ING3: variants seen among roughly 807,000 people sequenced by gnomAD.
ING3 encodes the protein inhibitor of growth family member 3.
ING3 carries 6 observed loss-of-function variants against 64.8 expected under a neutral mutation model. The ratio of observed to expected loss-of-function variants is 0.09; its 90% CI spans 0.05 to 0.18. The LOEUF is 0.18. Among genes scored for constraint, ING3 ranks in the 10% least tolerant of loss-of-function variants. The probability of loss-of-function intolerance (pLI) is 1.00; values close to 1 mark genes in which losing one functional copy is unlikely to be tolerated. For missense variants in ING3, 310 were observed against 489.7 expected, an observed-to-expected ratio of 0.63 and a Z score of 3.46; for synonymous variants, 170 against 173.7, an observed-to-expected ratio of 0.98 and a Z score of 0.17.
chr7:120,961,392 T>C (rs1795931410), intron 4 of ING3, among the ~76,000 whole-genome samples: 1 of 152,200 alleles, frequency 6.6e-6, no homozygotes, highest in Non-Finnish European at 1.5e-5. Context: ...TATTTCAACT[T>C]AGAATGTAAC....
At chr7:120,965,319 C>T (rs1795983811) in intron 5 of ING3, among the ~76,000 whole-genome samples, 1 of 152,130 alleles carries the variant, frequency 6.6e-6, no homozygotes, top group Non-Finnish European at 1.5e-5. Flanking sequence ...GTGTTTTCTT[C>T]TTTCCCTTAG....
At chr7:120,954,494 TATG>T (rs1169362977) in intron 3 of ING3, among the ~76,000 whole-genome samples, 1 of 152,130 alleles carries the variant, frequency 6.6e-6, no homozygotes, top group Non-Finnish European at 1.5e-5. Flanking sequence ...GTAGTTCTGT[TATG>T]ATATGTTATT....
intron 11 of ING3, 77 bp downstream of exon 11, chr7:120,973,320 G>T (rs1584996171): frequency 6.2e-6 from 6 of 966,480 alleles, no homozygotes; most frequent in South Asian, 2.7e-5. Flanking sequence ...CTTATTTGCT[G>T]TATGGTTTGG....
chr7:120,969,813 A>C (rs1796043451), intron 9 of ING3, among the ~76,000 whole-genome samples: 1 of 152,212 alleles, frequency 6.6e-6, no homozygotes, highest in South Asian at 2.1e-4. Flanking sequence ...CAAAATAATT[A>C]GTTACCTAGT....
At chr7:120,964,884 G>A (rs1333044879) in intron 5 of ING3, 46 bp downstream of exon 5, 11 of 1,451,502 alleles carry the variant, frequency 7.6e-6, no homozygotes, top group Middle Eastern at 1.7e-4. Context: ...CAGTACATGT[G>A]CAAATCGCTG....
At chr7:120,970,591 A>G in intron 9 of ING3, 97 bp from the exon 10 acceptor site, 2 of 1,215,262 alleles carry the variant, frequency 1.6e-6, no homozygotes, top group South Asian at 1.5e-5. Flanking sequence ...TTTAATTTAT[A>G]CATTTGATGT....
At chr7:120,956,654 A>C in intron 4 of ING3, 4 of 987,318 alleles carry the variant, frequency 4.1e-6, no homozygotes, top group Non-Finnish European at 4.8e-6. Flanking sequence ...GATAGGTAGA[A>C]TAGGCTGTAG....
chr7:120,951,137 C>T (rs201878594), intron 1 of ING3, 27 bp from the exon 2 acceptor site: 1,136 of 1,612,544 alleles, frequency 7.0e-4, no homozygotes, highest in Admixed American at 1.4e-3. Flanking sequence ...TTGGCCCCGC[C>T]CCTCTGACGG....
intron 10 of ING3, 131 bp downstream of exon 10, chr7:120,971,011 C>A: frequency 1.0e-6 from 1 of 982,988 alleles, no homozygotes; most frequent in Non-Finnish European, 1.5e-6. Flanking sequence ...TCTCCCCCTT[C>A]TTACAAAAGT....
chr7:120,968,818 C>T (rs1167037734), intron 8 of ING3, among the ~76,000 whole-genome samples, 193 bp from the exon 9 acceptor site: 3 of 143,694 alleles, frequency 2.1e-5, no homozygotes, highest in Admixed American at 7.0e-5. Flanking sequence ...TAGACTCCAG[C>T]CCAAGCGACA....
Position 120,950,822 on chromosome 7 carries a change from G to A in ING3, c.-75G>A, listed in dbSNP as rs965664762. On this transcript the variant is annotated 5_prime_UTR_variant, in exon 1 of 12. Transcript: ENST00000315870. ...CTAGCGGAGGCGCCATATTGGAGGG[G>A]ACAAAACTCCGGCGACAGCGAGTGA... 5.9e-6 allele frequency: 9 copies of A among 1,537,470 alleles called. No individual in the cohort carries two copies. The highest frequency in any genetic ancestry group is 8.1e-6 in the Non-Finnish European group (9 of 1,115,982).
intron 3 of ING3, among the ~76,000 whole-genome samples, chr7:120,954,060 G>A (rs764765470): frequency 5.9e-5 from 9 of 152,146 alleles, no homozygotes; most frequent in Non-Finnish European, 1.3e-4. Context: ...CTATTTAGCT[G>A]TGTGACATTA....
chr7:120,967,762 A>G, intron 7 of ING3, 114 bp downstream of exon 7: 3 of 1,298,434 alleles, frequency 2.3e-6, no homozygotes, highest in South Asian at 1.5e-5. Context: ...TAAAGTATAC[A>G]TATGGAGAAA....
At chr7:120,951,047 C>T (rs556701840) in intron 1 of ING3, 117 bp from the exon 2 acceptor site, 6 of 1,510,660 alleles carry the variant, frequency 4.0e-6, no homozygotes, top group Admixed American at 3.4e-5. Context: ...CTCACGGTAA[C>T]TGGCAGCCTC....
At chr7:120,956,180 A>T in intron 4 of ING3, 6 of 1,609,890 alleles carry the variant, frequency 3.7e-6, no homozygotes, top group Non-Finnish European at 5.1e-6. Flanking sequence ...AAAAGATTGA[A>T]AACACCAAGA....
rs910313532 is a variant in ING3, at chr7:120,950,816, G to A, written c.-81G>A. ...GTGCTGCTAGCGGAGGCGCCATATT[G>A]GAGGGGACAAAACTCCGGCGACAGC... is the stretch of plus-strand genomic sequence containing the variant. On this transcript the variant is annotated 5_prime_UTR_variant, in exon 1 of 12. Coordinates refer to ENST00000315870, the MANE Select transcript of ING3 (RefSeq NM_019071.3). The A allele has an allele frequency of 7.8e-7, 1 of 1,281,086 alleles. No homozygotes were observed. The highest frequency in any genetic ancestry group is 1.1e-6 in the Non-Finnish European group (1 of 923,776). 79.4% of individuals were successfully genotyped at this position (1,281,086 alleles called of 1,614,324 possible). A position where few individuals can be genotyped will look rare whatever the true frequency, so the allele number is the denominator to read the frequency against.
intron 1 of ING3, 53 bp from the exon 2 acceptor site, chr7:120,951,111 A>G: frequency 3.1e-6 from 5 of 1,587,768 alleles, no homozygotes; most frequent in Non-Finnish European, 3.5e-6. Context: ...CAGTGACGTA[A>G]GCGCGTATTT....
rs1796144609 is a variant in ING3, at chr7:120,977,191, A to G, written c.*2347A>G. 6.6e-6 allele frequency: 1 copy of G among 152,228 alleles called. No individual in the cohort carries two copies. Among genetic ancestry groups the G allele is most frequent in the Non-Finnish European group, 1.5e-5 (1 of 68,034 alleles). 9.4% of individuals were successfully genotyped at this position (152,228 alleles called of 1,614,324 possible). On this transcript the variant is annotated 3_prime_UTR_variant, in exon 12 of 12. Transcript: ENST00000315870. ...TGTTCATGGTGACACATTTGAAGCAATAAATGGCTTAATTAAATGCCAAAA... is the reference window on the plus strand; with the variant it reads ...TGTTCATGGTGACACATTTGAAGCAGTAAATGGCTTAATTAAATGCCAAAA...
intron 4 of ING3, chr7:120,956,305 A>G: frequency 2.1e-6 from 3 of 1,425,408 alleles, no homozygotes; most frequent in South Asian, 1.5e-5. Flanking sequence ...CTGTTTTTGC[A>G]TTAAAGTAAA....
Sources: gnomAD v4.1 joint callset for allele counts (sites outside exome capture counted in the v4.1 genomes callset) on GRCh38, gnomAD v4.1.1 for gene constraint, MANE v1.5 for transcripts, NCBI Gene and HGNC (gene_info 2026-07-23, HGNC 2026-07-21) for gene names.